Variants in COMMD7 observed in about 807,000 individuals in gnomAD.
COMMD7 encodes the protein COMM domain containing 7, also known as COMM domain-containing protein 7.
COMMD7 carries 28 observed loss-of-function variants against 34.8 expected under a neutral mutation model. The observed-to-expected ratio is 0.80, with a 90% CI of 0.60 to 1.10. The LOEUF (loss-of-function observed/expected upper bound fraction) is 1.10, where lower values mean the gene tolerates loss of function less well. Among genes scored for constraint, COMMD7 ranks in the 50% least tolerant of loss-of-function variants. COMMD7 has a pLI of 0.00. For synonymous variants in COMMD7, 80 were observed against 86.4 expected (o/e 0.93, Z 0.41); for missense variants, 211 against 241.6 (o/e 0.87, Z 0.84).
intron 1 of COMMD7, among the ~76,000 whole-genome samples, chr20:32,739,861 T>C (rs1467046761): frequency 5.0e-5 from 7 of 139,652 alleles, no homozygotes; most frequent in Non-Finnish European, 7.7e-5. Flanking sequence ...CTACTAAAAA[T>C]ACAAGAAAAA....
intron 3 of COMMD7, among the ~76,000 whole-genome samples, chr20:32,711,004 C>T (rs2145720781): frequency 6.6e-6 from 1 of 152,278 alleles, no homozygotes; most frequent in East Asian, 1.9e-4. Context: ...ATCGCTTGAG[C>T]CCAGAAGTTT....
intron 1 of COMMD7, among the ~76,000 whole-genome samples, chr20:32,738,125 ATTAT>A (rs1007018438): frequency 4.6e-5 from 7 of 152,000 alleles, no homozygotes; most frequent in Admixed American, 3.9e-4. Context: ...GCTGCCTGAC[ATTAT>A]TTATTTATTT....
At chr20:32,703,819 T>G in intron 8 of COMMD7, 1 of 1,538,272 alleles carries the variant, frequency 6.5e-7, no homozygotes, top group Non-Finnish European at 8.7e-7. Flanking sequence ...AAAACGGCTC[T>G]TCAACTGTGG....
intron 3 of COMMD7, among the ~76,000 whole-genome samples, chr20:32,719,786 C>A (rs1236179429): frequency 1.3e-5 from 2 of 152,110 alleles, no homozygotes; most frequent in African/African-American, 4.8e-5. Flanking sequence ...TGAACACTAG[C>A]AGCTCTATCA....
At chr20:32,741,600 A>C (rs886517105) in intron 1 of COMMD7, among the ~76,000 whole-genome samples, 4 of 152,122 alleles carry the variant, frequency 2.6e-5, no homozygotes, top group African/African-American at 7.2e-5. Flanking sequence ...CATGTTGGCC[A>C]GGATGGTCTC....
At chr20:32,738,808 C>G (rs1316656134) in intron 1 of COMMD7, among the ~76,000 whole-genome samples, 3 of 151,946 alleles carry the variant, frequency 2.0e-5, no homozygotes. Flanking sequence ...CATAGCTAAC[C>G]GCAGCCTCCA....
At chr20:32,737,101 G>T (rs1333889957) in intron 1 of COMMD7, among the ~76,000 whole-genome samples, 1 of 151,816 alleles carries the variant, frequency 6.6e-6, no homozygotes, top group African/African-American at 2.4e-5. Context: ...AGAATGGTGT[G>T]AACCCAGGAG....
At position 32,706,896 on chromosome 20, in the gene COMMD7, C is replaced by T. The variant is rs1167813192; in HGVS notation, c.242-136G>A. The T allele has an allele frequency of 4.5e-6, 3 of 664,980 alleles. No individual in the cohort carries two copies. In the African/African-American group the frequency reaches 5.4e-5, roughly 12 times the overall value. 41.2% of individuals were successfully genotyped at this position (664,980 alleles called of 1,614,324 possible). A position where few individuals can be genotyped will look rare whatever the true frequency, so the allele number is the denominator to read the frequency against. ...GACTGGCCAGCTCCAAGATCTCAAT[C>T]CAGCCATGGGGAAATAGCATCCGAA... On this transcript the variant is annotated intron_variant, in intron 3 of 8. Transcript: ENST00000278980.
At chr20:32,733,276 G>A (rs1371919915) in intron 1 of COMMD7, among the ~76,000 whole-genome samples, 2 of 151,356 alleles carry the variant, frequency 1.3e-5, no homozygotes, top group African/African-American at 4.9e-5. Context: ...ACATTGCTCA[G>A]TTTAAAAAAC....
intron 3 of COMMD7, among the ~76,000 whole-genome samples, chr20:32,719,791 C>T (rs1985044237): frequency 6.6e-6 from 1 of 152,122 alleles, no homozygotes; most frequent in South Asian, 2.1e-4. Context: ...ACTAGCAGCT[C>T]TATCAATAAA....
chr20:32,720,195 A>G (rs754732036), intron 3 of COMMD7, among the ~76,000 whole-genome samples: 20 of 152,194 alleles, frequency 1.3e-4, no homozygotes, highest in Non-Finnish European at 2.1e-4. Flanking sequence ...CTGTATCTAT[A>G]GAAAATGATC....
intron 1 of COMMD7, among the ~76,000 whole-genome samples, chr20:32,737,403 T>C (rs1986195227): frequency 7.4e-6 from 1 of 134,904 alleles, no homozygotes; most frequent in African/African-American, 2.7e-5. Context: ...CGGTGGTACA[T>C]GCCTATAGTC....
In COMMD7 at chr20:32,743,312, G is replaced by T. The variant is rs897971487; in HGVS notation, c.80C>A (p.Ala27Glu). 18 of 1,440,126 alleles carry T rather than the reference G, an allele frequency of 1.2e-5. No homozygotes were observed. Among genetic ancestry groups the T allele is most frequent in the Non-Finnish European group, 1.6e-5 (18 of 1,091,486 alleles). 89.2% of individuals were successfully genotyped at this position (1,440,126 alleles called of 1,614,324 possible). A position where few individuals can be genotyped will look rare whatever the true frequency, so the allele number is the denominator to read the frequency against. Residue 27 changes from alanine (A) to glutamate (E), a missense_variant, in exon 1 of 9, where the codon GCG (alanine) becomes GAG (glutamate). Transcript: ENST00000278980. ...ACGCCCCGCCGCCGGGCCCACCTGCGCGCCCAGCTGGTTCAGCTGCTGCAT... is the reference window on the plus strand; with the variant it reads ...ACGCCCCGCCGCCGGGCCCACCTGCTCGCCCAGCTGGTTCAGCTGCTGCAT... ...GDMQQLNQLG[A>E]QQFSALTEVL...
chr20:32,743,237 T>TCCCC, intron 1 of COMMD7, 71 bp downstream of exon 1: 1 of 526,958 alleles, frequency 1.9e-6, no homozygotes, highest in Non-Finnish European at 3.1e-6. Context: ...CCCCCGGACG[T>TCCCC]CCCCCCCACC....
At chr20:32,718,272 C>A (rs147175633) in intron 3 of COMMD7, among the ~76,000 whole-genome samples, 2 of 151,590 alleles carry the variant, frequency 1.3e-5, no homozygotes, top group African/African-American at 4.9e-5. Flanking sequence ...GGCGTGGTGG[C>A]GGGCGCCTGT....
At chr20:32,727,277 G>A (rs192019352) in intron 3 of COMMD7, among the ~76,000 whole-genome samples, 4 of 151,816 alleles carry the variant, frequency 2.6e-5, no homozygotes, top group South Asian at 2.1e-4. Flanking sequence ...GGCCGGGTAC[G>A]GTGGCTCACG....
chr20:32,720,054 G>A (rs577275028), intron 3 of COMMD7, among the ~76,000 whole-genome samples: 1 of 152,300 alleles, frequency 6.6e-6, no homozygotes, highest in African/African-American at 2.4e-5. Context: ...TTTCAGAAAA[G>A]AAACTGAGGT....
At chr20:32,721,756 C>T (rs1375564804) in intron 3 of COMMD7, among the ~76,000 whole-genome samples, 1 of 151,984 alleles carries the variant, frequency 6.6e-6, no homozygotes, top group Non-Finnish European at 1.5e-5. Flanking sequence ...ATTAGGCGGG[C>T]GTGGTGGTGG....
At chr20:32,740,760 C>T (rs1986394707) in intron 1 of COMMD7, among the ~76,000 whole-genome samples, 1 of 150,668 alleles carries the variant, frequency 6.6e-6, no homozygotes, top group Non-Finnish European at 1.5e-5. Flanking sequence ...ATTGCTTGAA[C>T]CCAGGAGATC....
Sources: allele counts gnomAD v4.1 joint callset (sites outside exome capture counted in the v4.1 genomes callset), GRCh38; gene constraint gnomAD v4.1.1; transcripts MANE v1.5; gene names NCBI Gene and HGNC (gene_info 2026-07-23, HGNC 2026-07-21).